CLXN: variants seen among roughly 807,000 people sequenced by gnomAD.
The protein encoded by CLXN is calaxin, also known as EF-hand calcium binding domain 1.
At chr8:48,711,750 A>G in the CLXN span, 1 of 152,238 alleles carries the variant, frequency 6.6e-6, no homozygotes, top group African/African-American at 2.4e-5. Context: ...GATTTGCTTT[A>G]GACAAAGGTC....
the CLXN span, among the ~76,000 whole-genome samples, chr8:48,718,705 G>T: frequency 6.3e-4 from 96 of 152,110 alleles, no homozygotes; most frequent in East Asian, 0.016. Flanking sequence ...TTTTTGAACA[G>T]CTATTTGTTC....
chr8:48,727,932 T>C, the CLXN span, among the ~76,000 whole-genome samples: 2 of 152,112 alleles, frequency 1.3e-5, no homozygotes, highest in African/African-American at 2.4e-5. Flanking sequence ...AGATGGCCCC[T>C]AGGTTTTGAC....
chr8:48,731,347 C>A, the CLXN span: 1 of 1,605,478 alleles, frequency 6.2e-7, no homozygotes, highest in Non-Finnish European at 8.5e-7. Context: ...GTGTCTCTTA[C>A]CTCTGTCCAT....
the CLXN span, among the ~76,000 whole-genome samples, chr8:48,721,403 A>G: frequency 1.3e-5 from 2 of 152,206 alleles, no homozygotes; most frequent in African/African-American, 4.8e-5. Context: ...TACAGACTCA[A>G]TACAATCCTT....
At chr8:48,724,887 G>C in the CLXN span, 5 of 1,149,052 alleles carry the variant, frequency 4.4e-6, no homozygotes, top group Non-Finnish European at 6.3e-6. Flanking sequence ...TTAGTGTAGA[G>C]ACAGGATAAC....
the CLXN span, among the ~76,000 whole-genome samples, chr8:48,734,214 T>C: frequency 1.3e-5 from 2 of 152,166 alleles, no homozygotes; most frequent in Admixed American, 1.3e-4. Context: ...ACTCGGTTAT[T>C]TGGGGGATTG....
chr8:48,718,233 C>G, the CLXN span, among the ~76,000 whole-genome samples: 3 of 151,942 alleles, frequency 2.0e-5, no homozygotes, highest in Non-Finnish European at 2.9e-5. Flanking sequence ...TATCTTAAGA[C>G]AAAGGACTGA....
At chr8:48,717,168 A>G in the CLXN span, among the ~76,000 whole-genome samples, 1 of 152,218 alleles carries the variant, frequency 6.6e-6, no homozygotes, top group African/African-American at 2.4e-5. Flanking sequence ...TATGTCTAAA[A>G]AAATAAAAGA....
At chr8:48,712,629 C>T in the CLXN span, among the ~76,000 whole-genome samples, 1 of 152,232 alleles carries the variant, frequency 6.6e-6, no homozygotes, top group African/African-American at 2.4e-5. Context: ...GATAAAGGCA[C>T]TTCAAATGCA....
chr8:48,735,211 C>A, the CLXN span: 3 of 1,593,940 alleles, frequency 1.9e-6, no homozygotes, highest in Non-Finnish European at 2.6e-6. Flanking sequence ...CTACCGAGAC[C>A]CTCGCGGGAC....
the CLXN span, among the ~76,000 whole-genome samples, chr8:48,726,941 C>A: frequency 4.0e-5 from 6 of 150,178 alleles, no homozygotes. Context: ...ACGCATCCAA[C>A]CATCCATATA....
the CLXN span, among the ~76,000 whole-genome samples, chr8:48,723,039 T>G: frequency 5.9e-5 from 9 of 152,140 alleles, no homozygotes; most frequent in African/African-American, 2.2e-4. Context: ...GGCTACAAAA[T>G]TTCAGTTATG....
the CLXN span, among the ~76,000 whole-genome samples, chr8:48,719,500 T>C: frequency 9.9e-5 from 15 of 152,160 alleles, no homozygotes; most frequent in African/African-American, 3.4e-4. Flanking sequence ...CTGATGAACA[T>C]TGGAACAAAA....
the CLXN span, chr8:48,729,838 C>A: frequency 2.4e-5 from 38 of 1,613,000 alleles, no homozygotes; most frequent in Non-Finnish European, 3.1e-5. Flanking sequence ...TGAAATGAAT[C>A]CGTCACCATT....
At chr8:48,716,041 G>A in the CLXN span, 1 of 152,490 alleles carries the variant, frequency 6.6e-6, no homozygotes, top group Non-Finnish European at 1.5e-5. Context: ...CTGTCGGGGA[G>A]GTTCGGGCAG....
the CLXN span, among the ~76,000 whole-genome samples, chr8:48,718,828 T>C: frequency 3.9e-5 from 6 of 151,968 alleles, no homozygotes; most frequent in African/African-American, 1.4e-4. Flanking sequence ...TTTACAATGA[T>C]AAATGTCTAC....
chr8:48,729,843 A>C, the CLXN span: 1 of 1,613,118 alleles, frequency 6.2e-7, no homozygotes, highest in Non-Finnish European at 8.5e-7. Flanking sequence ...TGAATCCGTC[A>C]CCATTCAAAT....
the CLXN span, among the ~76,000 whole-genome samples, chr8:48,725,820 A>C: frequency 6.6e-6 from 1 of 151,572 alleles, no homozygotes. Flanking sequence ...TAAATAAATA[A>C]ATAAATAAAT....
the CLXN span, among the ~76,000 whole-genome samples, chr8:48,733,692 A>G: frequency 6.6e-6 from 1 of 152,194 alleles, no homozygotes; most frequent in Non-Finnish European, 1.5e-5. Flanking sequence ...TTTTTAGTAA[A>G]CAAAAAAATC....
Sources: gnomAD v4.1 joint callset for allele counts (sites outside exome capture counted in the v4.1 genomes callset) on GRCh38, gnomAD v4.1.1 for gene constraint, MANE v1.5 for transcripts, NCBI Gene and HGNC (gene_info 2026-07-23, HGNC 2026-07-21) for gene names.